The following ANK2 variants were observed in gnomAD, a reference collection of about 807,000 sequenced individuals.
The protein encoded by ANK2 is ankyrin-2.
Under a neutral mutation model 360.5 loss-of-function variants are expected in ANK2, and 83 were observed. The observed-to-expected ratio is 0.23, with a 90% CI of 0.19 to 0.28. ANK2 has a LOEUF of 0.28. ANK2 is among the 10% of genes least tolerant of loss of function. The probability of loss-of-function intolerance (pLI) is 1.00; values close to 1 mark genes in which losing one functional copy is unlikely to be tolerated. For missense variants in ANK2, 4,201 were observed against 4,795.7 expected (o/e 0.88, Z 3.66); for synonymous variants, 1,740 against 1,759.5 (o/e 0.99, Z 0.28).
At chr4:112,708,805 T>C in the ANK2 span, among the ~76,000 whole-genome samples, 1 of 152,330 alleles carries the variant, frequency 6.6e-6, no homozygotes, top group African/African-American at 2.4e-5. Flanking sequence ...ACCTAAAATG[T>C]CACTGTAGGA....
chr4:113,015,140 G>C (rs1001325817), intron 2 of ANK2, among the ~76,000 whole-genome samples: 74 of 152,156 alleles, frequency 4.9e-4, no homozygotes, highest in Non-Finnish European at 8.8e-4. Flanking sequence ...TTACAGGCGT[G>C]AGCCACCGCG....
intron 2 of ANK2, among the ~76,000 whole-genome samples, chr4:113,185,791 A>G (rs567340136): frequency 1.3e-5 from 2 of 152,200 alleles, no homozygotes; most frequent in Non-Finnish European, 2.9e-5. Flanking sequence ...GTCCATGCCT[A>G]TGTCCTGAAT....
At chr4:113,262,298 C>T (rs1161904142) in intron 13 of ANK2, among the ~76,000 whole-genome samples, 1 of 152,126 alleles carries the variant, frequency 6.6e-6, no homozygotes, top group Non-Finnish European at 1.5e-5. Flanking sequence ...AAGATTATGG[C>T]TCACTGCAGC....
At chr4:113,277,808 G>A (rs200335656) in intron 15 of ANK2, 29 bp from the exon 16 acceptor site, 1 of 1,545,482 alleles carries the variant, frequency 6.5e-7, no homozygotes, top group Non-Finnish European at 8.9e-7. Context: ...CAATAAATAC[G>A]ATTTTACTTT....
Position 112,866,564 on chromosome 4 carries a change from T to C in ANK2, c.-39-37891T>C, listed in dbSNP as rs185322200. 3.9e-5 allele frequency among the ~76,000 whole-genome samples: 6 copies of C among 152,288 alleles called. No homozygotes were observed. The East Asian group carries it at 7.7e-4, about 20-fold the overall frequency. On this transcript the variant is annotated intron_variant, in intron 1 of 30. Coordinates refer to the ANK2 transcript ENST00000503271. ...TTATTGCAGAAAAATGATAAAACATTAACAAACCACAAATAAGCAAAATGA... is the reference window on the plus strand; with the variant it reads ...TTATTGCAGAAAAATGATAAAACATCAACAAACCACAAATAAGCAAAATGA...
intron 26 of ANK2, among the ~76,000 whole-genome samples, chr4:113,322,468 A>T (rs2086827731): frequency 6.6e-6 from 1 of 152,230 alleles, no homozygotes; most frequent in Non-Finnish European, 1.5e-5. Flanking sequence ...TTAATTTTAC[A>T]ATTCTTCTTC....
At chr4:112,938,179 A>G (rs774720215) in intron 2 of ANK2, among the ~76,000 whole-genome samples, 2 of 152,226 alleles carry the variant, frequency 1.3e-5, no homozygotes, top group African/African-American at 4.8e-5. Flanking sequence ...TCATCTTTAT[A>G]AGACCCTCTC....
intron 11 of ANK2, 140 bp downstream of exon 11, chr4:113,256,072 A>AGCCTG (rs2049150302): frequency 1.9e-6 from 2 of 1,048,890 alleles, no homozygotes; most frequent in Admixed American, 4.0e-5. Flanking sequence ...CTTCACAATC[A>AGCCTG]GCCTGTGTAC....
intron 1 of ANK2, among the ~76,000 whole-genome samples, chr4:112,825,357 A>G (rs986963633): frequency 1.3e-5 from 2 of 152,204 alleles, no homozygotes. Context: ...ATTTAAAAAA[A>G]GAAAGAAAAA....
intron 26 of ANK2, among the ~76,000 whole-genome samples, chr4:113,323,221 A>C (rs931617774): frequency 6.6e-6 from 1 of 152,140 alleles, no homozygotes; most frequent in Non-Finnish European, 1.5e-5. Context: ...CTTTGTTTGC[A>C]TAGCTTTTTT....
Position 113,353,965 on chromosome 4 carries a change from G to GGT in ANK2, c.5348_5349dup (p.Arg1784ValfsTer31). On this transcript the variant is annotated frameshift_variant, in exon 38 of 46. Transcript: ENST00000357077. LOFTEE classifies it high-confidence loss of function. ...GAAGCGAGTGGAAGATGAACAGAAA[G>GGT]GTCGAAGCAAGTTGCCCATCAGAGT... 1 of 1,614,060 alleles carries GGT rather than the reference G, an allele frequency of 6.2e-7. No individual in the cohort carries two copies. Among genetic ancestry groups the GGT allele is most frequent in the Non-Finnish European group, 8.5e-7 (1 of 1,179,958 alleles).
At position 113,117,303 on chromosome 4, in the gene ANK2, C is replaced by A. The variant is rs2154369290; in HGVS notation, c.85-57113C>A. 1 of 456,060 alleles carries A rather than the reference C, an allele frequency of 2.2e-6. No homozygotes were observed. The highest frequency in any genetic ancestry group is 7.0e-5 in the East Asian group (1 of 14,378). 28.3% of individuals were successfully genotyped at this position (456,060 alleles called of 1,614,324 possible). ...TTCCTCTGCAAAATGGCTCACGCTGCTGCTTCTATTAAAAAAGTTCGAGAG... is the reference window on the plus strand; with the variant it reads ...TTCCTCTGCAAAATGGCTCACGCTGATGCTTCTATTAAAAAAGTTCGAGAG... On this transcript the variant is annotated intron_variant, in intron 1 of 45. Transcript: ENST00000357077.
At chr4:112,988,494 G>A (rs1159735261) in intron 2 of ANK2, among the ~76,000 whole-genome samples, 9 of 152,200 alleles carry the variant, frequency 5.9e-5, no homozygotes, top group African/African-American at 2.2e-4. Context: ...AGAAAAAAGG[G>A]TTGAGCTGAG....
intron 4 of ANK2, among the ~76,000 whole-genome samples, chr4:113,212,845 C>A (rs1691018557): frequency 6.6e-6 from 1 of 152,214 alleles, no homozygotes; most frequent in African/African-American, 2.4e-5. Flanking sequence ...GCAAGACCAG[C>A]CATTCTGTAT....
At chr4:112,797,017 C>T in the ANK2 span, 1 of 176,562 alleles carries the variant, frequency 5.7e-6, no homozygotes. Context: ...CTGAGTTTGC[C>T]CAACTGTGTT....
intron 4 of ANK2, among the ~76,000 whole-genome samples, chr4:113,228,431 C>T (rs189399251): frequency 2.8e-4 from 42 of 152,190 alleles, no homozygotes; most frequent in African/African-American, 8.9e-4. Flanking sequence ...TGAGAACATA[C>T]GATGTTTAGT....
At chr4:112,914,467 A>C (rs1344858103) in intron 2 of ANK2, among the ~76,000 whole-genome samples, 1 of 152,018 alleles carries the variant, frequency 6.6e-6, no homozygotes, top group East Asian at 1.9e-4. Context: ...TTAAAAATAC[A>C]AAAAAATTAG....
chr4:112,806,779 C>G, the ANK2 span, among the ~76,000 whole-genome samples: 1 of 152,016 alleles, frequency 6.6e-6, no homozygotes, highest in Admixed American at 6.6e-5. Flanking sequence ...TGCAGTGAGC[C>G]GTGATGACGC....
At chr4:113,376,469 G>C (rs2096937502) in intron 45 of ANK2, among the ~76,000 whole-genome samples, 1 of 152,168 alleles carries the variant, frequency 6.6e-6, no homozygotes, top group South Asian at 2.1e-4. Context: ...GTGAGTGAGT[G>C]GTGAGAGAAT....
Sources: gnomAD v4.1 joint callset for allele counts (sites outside exome capture counted in the v4.1 genomes callset) on GRCh38, gnomAD v4.1.1 for gene constraint, MANE v1.5 for transcripts, NCBI Gene and HGNC (gene_info 2026-07-23, HGNC 2026-07-21) for gene names.